The following TPPP variants were observed in gnomAD, a reference collection of about 807,000 sequenced individuals.
The protein encoded by TPPP is tubulin polymerization-promoting protein.
TPPP carries 6 observed loss-of-function variants against 15.5 expected under a neutral mutation model. That is an observed-to-expected ratio of 0.39 (90% CI 0.21 to 0.77). TPPP has a LOEUF of 0.77. TPPP is among the 30% of genes least tolerant of loss of function. TPPP has a pLI of 0.42. For missense variants in TPPP, 269 were observed against 307.2 expected (o/e 0.88, Z 0.93); for synonymous variants, 146 against 133.9 (o/e 1.09, Z -0.63).
At chr5:686,344 A>G (rs1366896028) in intron 1 of TPPP, among the ~76,000 whole-genome samples, 3 of 152,236 alleles carry the variant, frequency 2.0e-5, no homozygotes, top group Non-Finnish European at 4.4e-5. Context: ...CGGGGCTCTC[A>G]AGGGAGGCAC....
At chr5:698,194 C>T (rs1264724709), upstream of TPPP, among the ~76,000 whole-genome samples, 1 of 151,620 alleles carries the variant, frequency 6.6e-6, no homozygotes, top group African/African-American at 2.4e-5. Context: ...ATGACAGATC[C>T]ACAGCCAACA....
chr5:686,837 T>A (rs1178089100), intron 1 of TPPP, among the ~76,000 whole-genome samples: 6 of 142,634 alleles, frequency 4.2e-5, no homozygotes, highest in Admixed American at 7.0e-5. Flanking sequence ...GGGATGAGAT[T>A]CAGCTATGGG....
intron 2 of TPPP, among the ~76,000 whole-genome samples, chr5:672,339 T>C (rs534563218): frequency 6.6e-6 from 1 of 152,326 alleles, no homozygotes; most frequent in East Asian, 1.9e-4. Context: ...GGTATCAGTC[T>C]AACCCCCAAG....
At chr5:681,485 T>C (rs1400588077) in intron 1 of TPPP, among the ~76,000 whole-genome samples, 1 of 152,144 alleles carries the variant, frequency 6.6e-6, no homozygotes, top group Non-Finnish European at 1.5e-5. Context: ...CCCAGGCCTG[T>C]GTCTTGCATC....
In TPPP at chr5:668,516, C is replaced by T. The variant is rs145742871; in HGVS notation, c.312-2393G>A. ...AGTGCAGATGGAAACCACAGCGAGGCCCCTGCACACTCTCCAGGGGGCTCA... is the reference window on the plus strand; with the variant it reads ...AGTGCAGATGGAAACCACAGCGAGGTCCCTGCACACTCTCCAGGGGGCTCA... On this transcript the variant is annotated intron_variant, in intron 2 of 3. Coordinates refer to ENST00000360578, the MANE Select transcript of TPPP (RefSeq NM_007030.3). Among the ~76,000 whole-genome samples, 89 of 152,004 alleles carry T rather than the reference C, an allele frequency of 5.9e-4. 1 individual carries two copies. In the East Asian group the frequency reaches 0.016, roughly 27 times the overall value.
chr5:675,611 G>A (rs1055215751), intron 2 of TPPP, among the ~76,000 whole-genome samples: 2 of 151,714 alleles, frequency 1.3e-5, no homozygotes, highest in East Asian at 1.9e-4. Context: ...GGTACAGTGT[G>A]GCCGGGAGTG....
rs1164653706 is a variant in TPPP, at chr5:660,075, G to A, written c.*5027C>T. 3 of 152,256 alleles carry A rather than the reference G, an allele frequency of 2.0e-5. No homozygotes were observed. The highest frequency in any genetic ancestry group is 6.5e-5 in the Admixed American group (1 of 15,272). 9.4% of individuals were successfully genotyped at this position (152,256 alleles called of 1,614,324 possible). A position where few individuals can be genotyped will look rare whatever the true frequency, so the allele number is the denominator to read the frequency against. On this transcript the variant is annotated 3_prime_UTR_variant, in exon 4 of 4. Coordinates refer to ENST00000360578, the MANE Select transcript of TPPP (RefSeq NM_007030.3). ...CCCCGCGGACGTCCGCGGTGAGTGC[G>A]GTTTAGACATCAGCAGAAGTGGCTT... is the stretch of plus-strand genomic sequence containing the variant.
chr5:681,491 G>A (rs1476755616), intron 1 of TPPP, among the ~76,000 whole-genome samples: 1 of 152,176 alleles, frequency 6.6e-6, no homozygotes, highest in Non-Finnish European at 1.5e-5. Context: ...CCTGTGTCTT[G>A]CATCCAGATG....
At chr5:673,576 AGCCT>A (rs1740297534) in intron 2 of TPPP, among the ~76,000 whole-genome samples, 1 of 152,144 alleles carries the variant, frequency 6.6e-6, no homozygotes, top group Non-Finnish European at 1.5e-5. Context: ...CACGGTGCCC[AGCCT>A]GCCGACCAGG....
intron 2 of TPPP, chr5:667,228 A>C (rs915800558): frequency 1.3e-5 from 2 of 152,230 alleles, no homozygotes; most frequent in African/African-American, 4.8e-5. Flanking sequence ...GGGCACGGGC[A>C]CGCGGCCAGC....
At position 665,156 on chromosome 5, in the gene TPPP, CACATAGCCT is replaced by C; in HGVS notation, c.597_605del (p.Gly200_Val202del). The C allele has an allele frequency of 6.2e-7, 1 of 1,613,490 alleles. No individual in the cohort carries two copies. The highest frequency in any genetic ancestry group is 8.5e-7 in the Non-Finnish European group (1 of 1,179,996). On this transcript the variant is annotated inframe_deletion, in exon 4 of 4. Transcript: ENST00000360578. ...AGGTGCCTGCGTGCTTGTAGCCGGA[CACATAGCCT>C]GACTCGTCCACCAGATCCACGCGGC... is the stretch of plus-strand genomic sequence containing the variant.
chr5:668,987 A>AC (rs1740077896), intron 2 of TPPP, among the ~76,000 whole-genome samples: 1 of 152,144 alleles, frequency 6.6e-6, no homozygotes, highest in Non-Finnish European at 1.5e-5. Context: ...GTTCCCATAC[A>AC]CTTTACACGC....
rs537088587 is a variant in TPPP at position 664,956 on chromosome 5, G to A, written c.*146C>T. The A allele has an allele frequency of 5.7e-6, 5 of 881,840 alleles. No homozygotes were observed. The African/African-American group carries it at 6.7e-5, about 12-fold the overall frequency. 54.6% of individuals were successfully genotyped at this position (881,840 alleles called of 1,614,324 possible). A position where few individuals can be genotyped will look rare whatever the true frequency, so the allele number is the denominator to read the frequency against. The stretch of plus-strand genomic sequence containing the variant: ...CATCCGGTAGGAGGAGGGGCAGGAG[G>A]GAGGCCTGGGCCTGGCCGCCCCCCA... On this transcript the variant is annotated 3_prime_UTR_variant, in exon 4 of 4. Coordinates refer to ENST00000360578, the MANE Select transcript of TPPP (RefSeq NM_007030.3).
At chr5:697,030 G>A (rs1328606064), upstream of TPPP, among the ~76,000 whole-genome samples, 3 of 143,116 alleles carry the variant, frequency 2.1e-5, no homozygotes, top group Non-Finnish European at 4.7e-5. Context: ...GCATGGGCCT[G>A]TGTGTCTTTG....
chr5:672,010 C>G (rs2126885137), intron 2 of TPPP, among the ~76,000 whole-genome samples: 1 of 152,348 alleles, frequency 6.6e-6, no homozygotes, highest in Non-Finnish European at 1.5e-5. Context: ...ACGTCACACA[C>G]AGTGCTCTGA....
chr5:677,623 G>T (rs1216277401), intron 2 of TPPP, 127 bp downstream of exon 2: 41 of 849,222 alleles, frequency 4.8e-5, no homozygotes, highest in Admixed American at 3.2e-4. Flanking sequence ...CTTCTGAGAA[G>T]GGCGGGGTCT....
Position 677,622 on chromosome 5 carries a change from A to AG in TPPP, c.311+127dup, listed in dbSNP as rs1412725777. 100 of 824,024 alleles carry AG rather than the reference A, an allele frequency of 1.2e-4. No individual in the cohort carries two copies. The African/African-American group carries it at 1.4e-3, about 12-fold the overall frequency. 51.0% of individuals were successfully genotyped at this position (824,024 alleles called of 1,614,324 possible). On this transcript the variant is annotated intron_variant, in intron 2 of 3. Transcript: ENST00000360578. ...TCCCATGTCAGGGCTGCTTCTGAGA[A>AG]GGGCGGGGTCTTGAAGCACAACCCC... is the stretch of plus-strand genomic sequence containing the variant.
chr5:668,645 CT>C (rs1468343416), intron 2 of TPPP, among the ~76,000 whole-genome samples: 1 of 152,270 alleles, frequency 6.6e-6, no homozygotes, highest in African/African-American at 2.4e-5. Flanking sequence ...TGGACAGCTT[CT>C]CATCACAGCC....
rs147595664 is a variant in TPPP at position 670,722 on chromosome 5, C to T, written c.312-4599G>A. 2.0e-3 allele frequency among the ~76,000 whole-genome samples: 311 copies of T among 152,278 alleles called. 1 individual carries two copies. Among genetic ancestry groups the T allele is most frequent in the African/African-American group, 7.3e-3 (302 of 41,552 alleles). On this transcript the variant is annotated intron_variant, in intron 2 of 3. Transcript: ENST00000360578. ...GGACCCAGCCTTGGGGTTCCCCATG[C>T]CTGTTGGCCGCCCCTGCCTCCCGCA...
Sources: allele counts gnomAD v4.1 joint callset (sites outside exome capture counted in the v4.1 genomes callset), GRCh38; gene constraint gnomAD v4.1.1; transcripts MANE v1.5; gene names NCBI Gene and HGNC (gene_info 2026-07-23, HGNC 2026-07-21).